Variants in PTN observed in about 807,000 individuals in gnomAD.
The protein encoded by PTN is heparin affin regulatory protein.
A neutral mutation model predicts 24.1 loss-of-function variants in PTN; 18 were observed. The observed-to-expected ratio is 0.75, with a 90% CI of 0.52 to 1.11. The LOEUF (loss-of-function observed/expected upper bound fraction) is 1.11, where lower values mean the gene tolerates loss of function less well. Ranked by LOEUF, PTN falls within the 50% of genes least tolerant of loss-of-function variation. The probability of loss-of-function intolerance (pLI) is 0.00; values close to 1 mark genes in which losing one functional copy is unlikely to be tolerated. For missense variants in PTN, 163 were observed against 198.8 expected (o/e 0.82, Z 1.08); for synonymous variants, 78 against 68.6 (o/e 1.14, Z -0.67).
chr7:137,242,491 A>G (rs1808648064), intron 4 of PTN, among the ~76,000 whole-genome samples: 1 of 152,126 alleles, frequency 6.6e-6, no homozygotes, highest in Non-Finnish European at 1.5e-5. Flanking sequence ...GCCAGTCCCA[A>G]AAACAATCTG....
At chr7:137,278,981 T>TAATAATAATAATAATAATAAA (rs1554466684) in intron 1 of PTN, among the ~76,000 whole-genome samples, 4 of 140,428 alleles carry the variant, frequency 2.8e-5, no homozygotes, top group South Asian at 2.3e-4. Flanking sequence ...ATAATAATAA[T>TAATAATAATAATAATAATAAA]AAAATAAAGA....
chr7:137,256,318 C>A (rs1476294160), intron 1 of PTN, among the ~76,000 whole-genome samples: 2 of 152,162 alleles, frequency 1.3e-5, no homozygotes, highest in Non-Finnish European at 1.5e-5. Context: ...CCTCCCCTTA[C>A]CCCACACCCC....
intron 1 of PTN, among the ~76,000 whole-genome samples, chr7:137,313,494 A>G (rs946670960): frequency 5.9e-5 from 9 of 152,164 alleles, no homozygotes; most frequent in African/African-American, 2.2e-4. Flanking sequence ...GAATTAATCC[A>G]TTCAGCTATC....
chr7:137,246,949 T>C (rs1446473886), intron 4 of PTN, among the ~76,000 whole-genome samples: 1 of 152,154 alleles, frequency 6.6e-6, no homozygotes, highest in Non-Finnish European at 1.5e-5. Context: ...GTAGGATAAA[T>C]AAAATGTATG....
chr7:137,253,751 T>C, intron 2 of PTN, 114 bp from the exon 3 acceptor site: 2 of 906,070 alleles, frequency 2.2e-6, no homozygotes, highest in East Asian at 5.8e-5. Flanking sequence ...TTAATCTGTA[T>C]CCTTATTGTC....
chr7:137,291,162 T>C (rs1272054438), intron 1 of PTN, among the ~76,000 whole-genome samples: 1 of 152,192 alleles, frequency 6.6e-6, no homozygotes, highest in East Asian at 1.9e-4. Context: ...GCCATTTGTT[T>C]AAAAAAAGTA....
At chr7:137,324,433 A>ATATATATAT (rs1554383234) in intron 1 of PTN, among the ~76,000 whole-genome samples, 14 of 88,806 alleles carry the variant, frequency 1.6e-4, no homozygotes, top group South Asian at 3.2e-4. Flanking sequence ...AAAAAAAAAA[A>ATATATATAT]ATATATATAT....
chr7:137,252,642 T>G (rs1043007604), intron 3 of PTN, among the ~76,000 whole-genome samples: 2 of 151,882 alleles, frequency 1.3e-5, no homozygotes, highest in African/African-American at 4.9e-5. Context: ...CATGTATACA[T>G]CCATTATCCT....
rs749683046 is a variant in PTN, at chr7:137,253,633, T to C, written c.120A>G (p.Lys40=). 6.5e-7 allele frequency: 1 copy of C among 1,540,992 alleles called. No homozygotes were observed. The highest frequency in any genetic ancestry group is 1.4e-5 in the African/African-American group (1 of 73,050). The change falls in exon 3 of 5, where the codon AAA becomes AAG. Residue 40 remains lysine (K), a synonymous_variant. Coordinates refer to ENST00000348225, the MANE Select transcript of PTN (RefSeq NM_002825.7). ...CTCCACAGTCAGACTTCTTCACTTTTTTTTCTGAATGAAAGGAGGAAAACC... is the reference window on the plus strand; with the variant it reads ...CTCCACAGTCAGACTTCTTCACTTTCTTTTCTGAATGAAAGGAGGAAAACC... ...AEAGKKEKPE[K]KVKKSDCGEW...
chr7:137,231,991 C>CT (rs1264831159), intron 4 of PTN, among the ~76,000 whole-genome samples: 1 of 151,820 alleles, frequency 6.6e-6, no homozygotes, highest in Non-Finnish European at 1.5e-5. Flanking sequence ...AAGCCAAGTG[C>CT]TTTTTTATTG....
chr7:137,227,707 CA>C lies in PTN; in HGVS notation c.*312del. The C allele has an allele frequency of 5.0e-6, 1 of 200,804 alleles. No homozygotes were observed. The highest frequency in any genetic ancestry group is 1.0e-4 in the East Asian group (1 of 9,768). The allele number at this position is 200,804 out of a possible 1,614,324, so 12.4% of individuals were successfully genotyped here. On this transcript the variant is annotated 3_prime_UTR_variant, in exon 5 of 5. Transcript: ENST00000348225. ...TAGTCATAACATTTAAATTGCTGCC[CA>C]AAAAATGTAAAAAAAATTTAATGTA...
chr7:137,282,250 T>G (rs1355316691), intron 1 of PTN, among the ~76,000 whole-genome samples: 2 of 152,238 alleles, frequency 1.3e-5, no homozygotes, highest in African/African-American at 4.8e-5. Flanking sequence ...AAGCTATGTA[T>G]TCTTACAAAA....
intron 4 of PTN, among the ~76,000 whole-genome samples, chr7:137,233,465 C>A (rs892685168): frequency 2.2e-4 from 34 of 152,066 alleles, no homozygotes; most frequent in African/African-American, 7.7e-4. Flanking sequence ...AGCAAATATG[C>A]ACTCCATCTC....
intron 1 of PTN, among the ~76,000 whole-genome samples, chr7:137,314,336 T>C (rs1227709846): frequency 1.3e-5 from 2 of 152,178 alleles, no homozygotes; most frequent in East Asian, 3.9e-4. Flanking sequence ...TTGTTCCATG[T>C]ACTACAGCAT....
At chr7:137,231,936 A>C (rs893133971) in intron 4 of PTN, among the ~76,000 whole-genome samples, 1 of 151,962 alleles carries the variant, frequency 6.6e-6, no homozygotes, top group Non-Finnish European at 1.5e-5. Context: ...GTTTACTATG[A>C]GATGTGGGTC....
chr7:137,299,358 A>G (rs759513594), intron 1 of PTN, among the ~76,000 whole-genome samples: 4 of 151,962 alleles, frequency 2.6e-5, no homozygotes, highest in Non-Finnish European at 5.9e-5. Context: ...TAATTTTACT[A>G]TAAGTCCATT....
intron 1 of PTN, among the ~76,000 whole-genome samples, chr7:137,267,849 C>G: frequency 6.6e-6 from 1 of 152,096 alleles, no homozygotes; most frequent in Admixed American, 6.5e-5. Flanking sequence ...ATCAAGCAAT[C>G]TAAGTCAAGT....
At chr7:137,239,698 A>G (rs939661554) in intron 4 of PTN, among the ~76,000 whole-genome samples, 1 of 152,040 alleles carries the variant, frequency 6.6e-6, no homozygotes, top group African/African-American at 2.4e-5. Flanking sequence ...ATGATTTCCA[A>G]TTTCATCCAT....
chr7:137,244,105 CTCTTT>C (rs1467829179), intron 4 of PTN, among the ~76,000 whole-genome samples: 3 of 152,124 alleles, frequency 2.0e-5, no homozygotes, highest in Non-Finnish European at 4.4e-5. Context: ...TAAACTCAAT[CTCTTT>C]TCTTAAGAAA....
Sources: allele counts gnomAD v4.1 joint callset (sites outside exome capture counted in the v4.1 genomes callset), GRCh38; gene constraint gnomAD v4.1.1; transcripts MANE v1.5; gene names NCBI Gene and HGNC (gene_info 2026-07-23, HGNC 2026-07-21).